CRACD: variants seen among roughly 807,000 people sequenced by gnomAD.
The protein encoded by CRACD is capping protein inhibiting regulator of actin dynamics, also known as capping protein-inhibiting regulator of actin dynamics.
CRACD carries 56 observed loss-of-function variants against 106.8 expected under a neutral mutation model. That is an observed-to-expected ratio of 0.52 (90% confidence interval 0.42 to 0.66). The LOEUF is 0.66. Ranked by LOEUF, CRACD falls within the 30% of genes least tolerant of loss-of-function variation. The pLI, the probability that CRACD is intolerant of heterozygous loss-of-function variation, is 0.00. For synonymous variants in CRACD, 754 were observed against 670.8 expected, an observed-to-expected ratio of 1.12 and a Z score of -1.92; for missense variants, 1,730 against 1,623.2, an observed-to-expected ratio of 1.07 and a Z score of -1.13.
intron 1 of CRACD, among the ~76,000 whole-genome samples, chr4:56,134,200 A>C (rs1257883303): frequency 7.0e-6 from 1 of 143,380 alleles, no homozygotes; most frequent in African/African-American, 2.5e-5. Context: ...ACCCTGTCTC[A>C]AAAAGAAAAA....
At chr4:56,271,621 G>A (rs1019069723) in intron 2 of CRACD, among the ~76,000 whole-genome samples, 58 of 152,142 alleles carry the variant, frequency 3.8e-4, no homozygotes, top group Non-Finnish European at 8.8e-5. Flanking sequence ...AGCCTCTTCA[G>A]TGGAGAAGGG....
chr4:56,202,327 A>G (rs140478563), intron 2 of CRACD, among the ~76,000 whole-genome samples: 5 of 152,216 alleles, frequency 3.3e-5, no homozygotes, highest in East Asian at 3.9e-4. Flanking sequence ...CTCACTGGCA[A>G]CCACCACCTC....
chr4:56,245,706 T>A (rs768341881), intron 2 of CRACD, among the ~76,000 whole-genome samples: 1 of 152,174 alleles, frequency 6.6e-6, no homozygotes, highest in Non-Finnish European at 1.5e-5. Flanking sequence ...ACAAACTGTT[T>A]CCTGAAGTCA....
At chr4:56,119,938 T>C (rs1390001397) in intron 1 of CRACD, among the ~76,000 whole-genome samples, 4 of 152,206 alleles carry the variant, frequency 2.6e-5, no homozygotes, top group African/African-American at 9.6e-5. Flanking sequence ...TGCCCCTCCT[T>C]TTTTTCCACC....
intron 1 of CRACD, among the ~76,000 whole-genome samples, chr4:56,144,519 G>A (rs896480014): frequency 2.6e-5 from 4 of 151,988 alleles, no homozygotes; most frequent in East Asian, 3.9e-4. Context: ...CTTGGGCCAG[G>A]GTTTCTAACT....
intron 1 of CRACD, among the ~76,000 whole-genome samples, chr4:56,173,303 G>A (rs1736455092): frequency 6.6e-6 from 1 of 152,262 alleles, no homozygotes; most frequent in South Asian, 2.1e-4. Context: ...TTTTGTTCCT[G>A]TATTTGAAAA....
chr4:56,164,905 T>C (rs1736086008), intron 1 of CRACD, among the ~76,000 whole-genome samples: 1 of 152,210 alleles, frequency 6.6e-6, no homozygotes, highest in South Asian at 2.1e-4. Flanking sequence ...GAATGCAATT[T>C]GGTTCAGAGT....
At chr4:56,050,621 A>G (rs1441560676) in intron 1 of CRACD, among the ~76,000 whole-genome samples, 3 of 152,320 alleles carry the variant, frequency 2.0e-5, no homozygotes, top group Non-Finnish European at 4.4e-5. Flanking sequence ...CCTTTGGGAA[A>G]AGGGAATCCT....
chr4:56,292,685 C>T (rs1031505621), intron 3 of CRACD, among the ~76,000 whole-genome samples: 4 of 152,106 alleles, frequency 2.6e-5, no homozygotes, highest in Non-Finnish European at 5.9e-5. Flanking sequence ...CCACCACGCC[C>T]AGCTAATTTT....
intron 1 of CRACD, among the ~76,000 whole-genome samples, chr4:56,080,094 A>T (rs961844902): frequency 7.2e-5 from 11 of 152,208 alleles, no homozygotes; most frequent in African/African-American, 2.4e-4. Flanking sequence ...CATAATCCCA[A>T]CTACTTGGGA....
intron 1 of CRACD, among the ~76,000 whole-genome samples, chr4:56,141,288 G>A (rs753723097): frequency 9.9e-5 from 15 of 152,276 alleles, no homozygotes; most frequent in Middle Eastern, 3.4e-3. Context: ...CAAGCTGATG[G>A]GAAGGATTGA....
chr4:56,214,380 G>A (rs780167045), intron 2 of CRACD, among the ~76,000 whole-genome samples: 11 of 152,008 alleles, frequency 7.2e-5, no homozygotes, highest in South Asian at 4.1e-4. Context: ...AGATCATGAG[G>A]TCAGGAGATC....
intron 2 of CRACD, among the ~76,000 whole-genome samples, chr4:56,192,302 G>A (rs1178071374): frequency 2.0e-5 from 3 of 152,024 alleles, no homozygotes; most frequent in African/African-American, 7.3e-5. Context: ...TGAGGTGGAA[G>A]AGTTGTTTGG....
rs554549360 is a variant in CRACD at position 56,059,649 on chromosome 4, A to G, written c.-336+10350A>G. Among the ~76,000 whole-genome samples the G allele has an allele frequency of 1.2e-4, 19 of 152,238 alleles. No individual in the cohort carries two copies. In the East Asian group the frequency reaches 2.7e-3, roughly 22 times the overall value. The stretch of plus-strand genomic sequence containing the variant: ...GAAGTACAGATTGCTTGAATGTGAC[A>G]ATGGTAGGTCTCGGCCCAAACTATT... On this transcript the variant is annotated intron_variant, in intron 1 of 10. Coordinates refer to ENST00000682029, the MANE Select transcript of CRACD (RefSeq NM_001393381.1).
At chr4:56,201,563 G>A (rs1428895755) in intron 2 of CRACD, among the ~76,000 whole-genome samples, 2 of 152,140 alleles carry the variant, frequency 1.3e-5, no homozygotes, top group African/African-American at 4.8e-5. Flanking sequence ...ACAGTCAATG[G>A]GAAAATAGAC....
chr4:56,125,947 T>C (rs906567267), intron 1 of CRACD, among the ~76,000 whole-genome samples: 1 of 151,818 alleles, frequency 6.6e-6, no homozygotes, highest in Non-Finnish European at 1.5e-5. Context: ...GATTTTTGTA[T>C]TTTTAGTAGA....
Position 56,307,569 on chromosome 4 carries a change from G to A in CRACD, c.155G>A (p.Arg52Gln), listed in dbSNP as rs201101039. ...GGCAAGAATATCAAGTTTGGGCAGCGGTCACCCAATGCCATTCCCATGAAT... is the reference window on the plus strand; with the variant it reads ...GGCAAGAATATCAAGTTTGGGCAGCAGTCACCCAATGCCATTCCCATGAAT... Reference protein sequence around the residue: ...QLGKNIKFGQRSPNAIPMNKA... With the variant: ...QLGKNIKFGQQSPNAIPMNKA... The change falls in exon 5 of 11, where the codon CGG becomes CAG. Residue 52 changes from arginine to glutamine, a missense_variant. Transcript: ENST00000682029. 337 of 1,614,096 alleles carry A rather than the reference G, an allele frequency of 2.1e-4. No individual in the cohort carries two copies. The highest frequency in any genetic ancestry group is 5.0e-4 in the Middle Eastern group (3 of 6,050).
At chr4:56,203,506 G>T (rs1249095516) in intron 2 of CRACD, among the ~76,000 whole-genome samples, 2 of 152,114 alleles carry the variant, frequency 1.3e-5, no homozygotes, top group African/African-American at 4.8e-5. Flanking sequence ...GGCAGGTCTG[G>T]GCAGTAGCTT....
At position 56,057,814 on chromosome 4, in the gene CRACD, G is replaced by GTTTTTTTTTTTTTTTTTT; in HGVS notation, c.-336+8520_-336+8537dup. Among the ~76,000 whole-genome samples the GTTTTTTTTTTTTTTTTTT allele has an allele frequency of 4.3e-4, 29 of 67,300 alleles. 1 individual carries two copies. The highest frequency in any genetic ancestry group is 7.7e-4 in the East Asian group (2 of 2,608). 44.2% of individuals were successfully genotyped at this position (67,300 alleles called of 152,430 possible). A position where few individuals can be genotyped will look rare whatever the true frequency, so the allele number is the denominator to read the frequency against. On this transcript the variant is annotated intron_variant, in intron 1 of 10. Transcript: ENST00000682029. ...CATTTTTTGTATTTTTTTTTTTTTT[G>GTTTTTTTTTTTTTTTTTT]TTTTTTTTTTTTTTTTTTTTTTGAG...
Sources: allele counts gnomAD v4.1 joint callset (sites outside exome capture counted in the v4.1 genomes callset), GRCh38; gene constraint gnomAD v4.1.1; transcripts MANE v1.5; gene names NCBI Gene and HGNC (gene_info 2026-07-23, HGNC 2026-07-21).